CELF2: variants seen among roughly 807,000 people sequenced by gnomAD.
CELF2 encodes CUGBP Elav-like family member 2.
In CELF2, 8 loss-of-function variants were observed where a neutral mutation model predicts 62.6. That is an observed-to-expected ratio of 0.13 (90% confidence interval 0.07 to 0.23). CELF2 has a LOEUF of 0.23. Among genes scored for constraint, CELF2 ranks in the 10% least tolerant of loss-of-function variants. The pLI is 1.00. For missense variants in CELF2, 333 were observed against 671.0 expected, an observed-to-expected ratio of 0.50 and a Z score of 5.56; for synonymous variants, 258 against 250.0, an observed-to-expected ratio of 1.03 and a Z score of -0.30.
chr10:11,155,267 G>T (rs763026893), intron 1 of CELF2, among the ~76,000 whole-genome samples: 10 of 152,162 alleles, frequency 6.6e-5, no homozygotes, highest in Admixed American at 3.9e-4. Context: ...GAATAATTGC[G>T]CTGTGCTGCC....
At position 10,866,072 on chromosome 10, in the gene CELF2, A is replaced by G. The variant is rs540615660; in HGVS notation, c.54-53892A>G. 2.0e-5 allele frequency among the ~76,000 whole-genome samples: 3 copies of G among 152,270 alleles called. No homozygotes were observed. In the South Asian group the frequency reaches 6.2e-4, roughly 32 times the overall value. On this transcript the variant is annotated intron_variant, in intron 1 of 13. Transcript: ENST00000636488. ...TTGGTAGGCATGTTCACACTGGTCCAGGAAGAGCCGCGGCCTGTCTTCCAT... is the reference window on the plus strand; with the variant it reads ...TTGGTAGGCATGTTCACACTGGTCCGGGAAGAGCCGCGGCCTGTCTTCCAT...
the CELF2 span, among the ~76,000 whole-genome samples, chr10:10,491,292 A>T: frequency 6.6e-6 from 1 of 152,212 alleles, no homozygotes; most frequent in Admixed American, 6.5e-5. Flanking sequence ...CACTGAATAG[A>T]TGCAGAATTG....
intron 2 of CELF2, chr10:10,952,210 T>C (rs2048395139): frequency 6.6e-6 from 1 of 152,144 alleles, no homozygotes; most frequent in African/African-American, 2.4e-5. Context: ...GGTTGTACGA[T>C]CTAAGAAAAT....
At position 11,029,814 on chromosome 10, in the gene CELF2, A is replaced by G. The variant is rs542822886; in HGVS notation, c.74+11651A>G. On this transcript the variant is annotated intron_variant, in intron 1 of 12. Coordinates refer to ENST00000633077, the MANE Select transcript of CELF2 (RefSeq NM_001326342.2). ...GTAATTAGCACTTTTTCTCTTATCA[A>G]TGTCCAAGAAGTCTGATTAACTTTA... Among the ~76,000 whole-genome samples the G allele has an allele frequency of 3.9e-5, 6 of 152,354 alleles. No homozygotes were observed. The East Asian group carries it at 7.7e-4, about 20-fold the overall frequency.
chr10:11,101,503 A>G (rs992246903), intron 1 of CELF2, among the ~76,000 whole-genome samples: 1 of 152,230 alleles, frequency 6.6e-6, no homozygotes, highest in Non-Finnish European at 1.5e-5. Context: ...GTTAATGTCA[A>G]AGAACCCAAG....
the CELF2 span, among the ~76,000 whole-genome samples, chr10:10,760,552 A>C: frequency 2.6e-5 from 4 of 152,244 alleles, no homozygotes; most frequent in Non-Finnish European, 5.9e-5. Flanking sequence ...GGCATTAAAT[A>C]GAATTACAGA....
At chr10:10,779,175 T>C in the CELF2 span, among the ~76,000 whole-genome samples, 2 of 152,340 alleles carry the variant, frequency 1.3e-5, no homozygotes, top group Middle Eastern at 3.4e-3. Flanking sequence ...GCTCACAGAC[T>C]GTGTTCATTT....
intron 8 of CELF2, among the ~76,000 whole-genome samples, chr10:11,286,692 C>T (rs1363413201): frequency 2.6e-5 from 4 of 152,186 alleles, no homozygotes; most frequent in African/African-American, 9.7e-5. Context: ...TGACCCTTGA[C>T]GAGAGAAAAC....
chr10:10,716,445 G>C, the CELF2 span, among the ~76,000 whole-genome samples: 2 of 152,186 alleles, frequency 1.3e-5, no homozygotes, highest in Non-Finnish European at 2.9e-5. Flanking sequence ...GGAGGCTGAG[G>C]TGGGAGGATC....
At chr10:10,746,689 A>C in the CELF2 span, among the ~76,000 whole-genome samples, 154 of 152,346 alleles carry the variant, frequency 1.0e-3, no homozygotes, top group African/African-American at 3.5e-3. Flanking sequence ...TCATAGACGT[A>C]AAATCGGAGA....
chr10:11,310,745 A>G (rs923684874), intron 9 of CELF2, among the ~76,000 whole-genome samples: 12 of 152,058 alleles, frequency 7.9e-5, no homozygotes, highest in Non-Finnish European at 1.5e-4. Flanking sequence ...TCCCTAGAAA[A>G]TACCCCAAAT....
rs1441275582 is a variant in CELF2, at chr10:10,957,839, GTCT to G, written c.89+37847_89+37849del. On this transcript the variant is annotated intron_variant, in intron 2 of 13. Transcript: ENST00000636488. This position sits in a 1 kb window ranked among gnomAD's most constrained non-coding sequence, Gnocchi z 4.1. ...TAATTGGGATCACATTCTCTGCTAAGTCTTCTTCTCACCATCCCATGGTGAGAT... is the reference window on the plus strand; with the variant it reads ...TAATTGGGATCACATTCTCTGCTAAGTCTTCTCACCATCCCATGGTGAGAT... Among the ~76,000 whole-genome samples the G allele has an allele frequency of 2.6e-5, 4 of 152,280 alleles. No individual in the cohort carries two copies. In the East Asian group the frequency reaches 5.8e-4, roughly 22 times the overall value.
At chr10:10,762,487 A>G in the CELF2 span, among the ~76,000 whole-genome samples, 2 of 152,312 alleles carry the variant, frequency 1.3e-5, no homozygotes, top group East Asian at 3.9e-4. Flanking sequence ...GAGTAGATTA[A>G]TAGAGACACC....
intron 1 of CELF2, among the ~76,000 whole-genome samples, chr10:10,886,990 G>A (rs1367781913): frequency 5.9e-5 from 9 of 152,224 alleles, no homozygotes; most frequent in Non-Finnish European, 1.3e-4. Context: ...ATTTTTGCCT[G>A]GGTGTCACAG....
chr10:10,607,466 A>G, the CELF2 span, among the ~76,000 whole-genome samples: 1 of 152,306 alleles, frequency 6.6e-6, no homozygotes, highest in East Asian at 1.9e-4. Flanking sequence ...CCAAGTGTGT[A>G]TAGAAACCCA....
At chr10:11,070,091 A>G (rs2069384236) in intron 1 of CELF2, among the ~76,000 whole-genome samples, 1 of 152,076 alleles carries the variant, frequency 6.6e-6, no homozygotes, top group East Asian at 1.9e-4. Flanking sequence ...CTCTTGTTTT[A>G]TTCTCTAAAT....
At chr10:11,289,608 G>A (rs2092162914) in intron 9 of CELF2, among the ~76,000 whole-genome samples, 1 of 152,200 alleles carries the variant, frequency 6.6e-6, no homozygotes, top group Non-Finnish European at 1.5e-5. Context: ...AGGAGAAGCT[G>A]GTGGATTTCC....
At chr10:10,467,709 T>C in the CELF2 span, among the ~76,000 whole-genome samples, 1 of 152,070 alleles carries the variant, frequency 6.6e-6, no homozygotes, top group Non-Finnish European at 1.5e-5. Context: ...AAACAATTTT[T>C]CTGTTGTTCC....
At chr10:10,838,531 C>T (rs561280155) in intron 1 of CELF2, among the ~76,000 whole-genome samples, 46 of 152,144 alleles carry the variant, frequency 3.0e-4, no homozygotes, top group Admixed American at 7.2e-4. Flanking sequence ...TTATGTCTCT[C>T]GTTTCCCATT....
Sources: gnomAD v4.1 joint callset for allele counts (sites outside exome capture counted in the v4.1 genomes callset) on GRCh38, gnomAD v4.1.1 for gene constraint, Gnocchi (gnomAD v3.1) non-coding constraint, MANE v1.5 for transcripts, NCBI Gene and HGNC (gene_info 2026-07-23, HGNC 2026-07-21) for gene names.